The following MTHFD1L variants were observed in gnomAD, a reference collection of about 807,000 sequenced individuals.
The protein encoded by MTHFD1L is monofunctional C1-tetrahydrofolate synthase, mitochondrial.
A neutral mutation model predicts 119.5 loss-of-function variants in MTHFD1L; 81 were observed. The observed-to-expected ratio is 0.68, with a 90% confidence interval of 0.57 to 0.82. MTHFD1L has a LOEUF of 0.82. Among genes scored for constraint, MTHFD1L ranks in the 40% least tolerant of loss-of-function variants. The pLI, the probability that MTHFD1L is intolerant of heterozygous loss-of-function variation, is 0.00. For missense variants in MTHFD1L, 1,125 were observed against 1,253.4 expected (o/e 0.90, Z 1.55); for synonymous variants, 430 against 475.2 (o/e 0.90, Z 1.24).
Position 151,085,846 on chromosome 6 carries a change from A to C in MTHFD1L, c.2848-6621A>C, listed in dbSNP as rs560909756. Among the ~76,000 whole-genome samples, 4 of 151,916 alleles carry C rather than the reference A, an allele frequency of 2.6e-5. No homozygotes were observed. The East Asian group carries it at 7.7e-4, about 29-fold the overall frequency. ...GTAGTCTGCCCCTCTACAAGCAGGG[A>C]CCAGGTCTTGGTCACCTGGTGTCCT... On this transcript the variant is annotated intron_variant, in intron 26 of 27. Transcript: ENST00000367321.
At chr6:150,955,232 A>G (rs906865322) in intron 16 of MTHFD1L, among the ~76,000 whole-genome samples, 15 of 152,118 alleles carry the variant, frequency 9.9e-5, no homozygotes, top group Non-Finnish European at 2.9e-5. Context: ...GTGGACTCAT[A>G]TAGTACTTGC....
chr6:150,901,763 C>T (rs1468864903), intron 7 of MTHFD1L, among the ~76,000 whole-genome samples: 1 of 152,176 alleles, frequency 6.6e-6, no homozygotes, highest in Non-Finnish European at 1.5e-5. Flanking sequence ...AGAAGCACAT[C>T]CTTGCTGGAC....
intron 8 of MTHFD1L, among the ~76,000 whole-genome samples, chr6:150,907,761 G>T (rs1220080791): frequency 2.0e-5 from 3 of 152,200 alleles, no homozygotes; most frequent in African/African-American, 7.2e-5. Context: ...ATCAGGGATG[G>T]TCTGTGTATT....
At chr6:150,981,930 A>T (rs1008258137) in intron 20 of MTHFD1L, among the ~76,000 whole-genome samples, 56 of 152,206 alleles carry the variant, frequency 3.7e-4, no homozygotes, top group African/African-American at 8.4e-4. Flanking sequence ...TATAAAAAAA[A>T]TTTTTAATTA....
At chr6:151,028,104 G>C (rs1784831740) in intron 24 of MTHFD1L, among the ~76,000 whole-genome samples, 1 of 152,128 alleles carries the variant, frequency 6.6e-6, no homozygotes, top group Admixed American at 6.5e-5. Flanking sequence ...ACAGCCCTGG[G>C]TTGAGGCAGG....
At chr6:151,015,206 CTTTTTTTT>C (rs58646889) in intron 23 of MTHFD1L, among the ~76,000 whole-genome samples, 1 of 76,934 alleles carries the variant, frequency 1.3e-5, no homozygotes, top group Non-Finnish European at 2.4e-5. Context: ...ATCTCCTTGG[CTTTTTTTT>C]TTTTTTTTTT....
rs763039754 is a variant in MTHFD1L, at chr6:150,944,536, C to T, written c.1491C>T (p.Asn497=). ...GDIHAITAAN[N]LLAAAIDTRI... ...TCCACGCCATCACCGCTGCCAATAA[C>T]TTGCTGGCTGCCGCCATCGACACGA... is the stretch of plus-strand genomic sequence containing the variant. Residue 497 remains asparagine (N), a synonymous_variant, in exon 14 of 28, where the codon AAC becomes AAT. Transcript: ENST00000367321. The T allele has an allele frequency of 6.2e-7, 1 of 1,614,158 alleles. No individual in the cohort carries two copies. The highest frequency in any genetic ancestry group is 8.5e-7 in the Non-Finnish European group (1 of 1,180,016).
intron 6 of MTHFD1L, 66 bp from the exon 7 acceptor site, chr6:150,887,779 G>C: frequency 6.8e-7 from 1 of 1,479,910 alleles, no homozygotes; most frequent in Non-Finnish European, 9.0e-7. Context: ...TTTTTCTTAA[G>C]ATAAAGTTCT....
intron 26 of MTHFD1L, among the ~76,000 whole-genome samples, chr6:151,064,296 T>C (rs1294038851): frequency 1.3e-5 from 2 of 152,140 alleles, no homozygotes; most frequent in Non-Finnish European, 2.9e-5. Flanking sequence ...CTGATAAATA[T>C]TCTTGAAGTG....
At chr6:151,000,158 G>A (rs555094714) in intron 20 of MTHFD1L, among the ~76,000 whole-genome samples, 47 of 152,264 alleles carry the variant, frequency 3.1e-4, no homozygotes, top group Middle Eastern at 3.4e-3. Flanking sequence ...GCCACATGGT[G>A]AAACCCCGTC....
chr6:151,077,399 T>C (rs1320829840), intron 26 of MTHFD1L, among the ~76,000 whole-genome samples: 1 of 152,198 alleles, frequency 6.6e-6, no homozygotes, highest in East Asian at 1.9e-4. Flanking sequence ...TCCCAGCACT[T>C]TGGGAGGCCA....
chr6:151,035,789 T>A (rs991567173), intron 25 of MTHFD1L, among the ~76,000 whole-genome samples: 11 of 152,210 alleles, frequency 7.2e-5, no homozygotes, highest in African/African-American at 2.7e-4. Flanking sequence ...GGTGAGAGTA[T>A]ATGGCATATT....
chr6:150,990,663 G>A (rs484912), intron 20 of MTHFD1L, among the ~76,000 whole-genome samples: 81,069 of 151,718 alleles, frequency 0.53, 22,847 homozygotes, highest in African/African-American at 0.7. Flanking sequence ...GGCTTCACCA[G>A]GTTGGCCAGC....
chr6:150,868,537 C>T (rs1422623819), intron 1 of MTHFD1L, among the ~76,000 whole-genome samples: 1 of 151,888 alleles, frequency 6.6e-6, no homozygotes, highest in Non-Finnish European at 1.5e-5. Context: ...CGGGGTTTCA[C>T]CATGTTGGCC....
At chr6:151,029,256 A>C (rs1248976107) in intron 24 of MTHFD1L, among the ~76,000 whole-genome samples, 4 of 150,634 alleles carry the variant, frequency 2.7e-5, no homozygotes, top group Non-Finnish European at 4.4e-5. Context: ...CCCCATCTCT[A>C]CTAAAAATAC....
chr6:150,956,257 C>T (rs1465732075), intron 17 of MTHFD1L, among the ~76,000 whole-genome samples, 186 bp downstream of exon 17: 1 of 152,152 alleles, frequency 6.6e-6, no homozygotes. Flanking sequence ...TGTCTTTTTA[C>T]CATCTTTTCT....
intron 13 of MTHFD1L, among the ~76,000 whole-genome samples, chr6:150,941,490 G>C (rs1793100050): frequency 1.3e-5 from 2 of 152,218 alleles, no homozygotes. Flanking sequence ...CCTCTCAGTA[G>C]ACACGATGAA....
At chr6:150,904,712 G>A (rs544152695) in intron 7 of MTHFD1L, among the ~76,000 whole-genome samples, 1 of 152,218 alleles carries the variant, frequency 6.6e-6, no homozygotes, top group East Asian at 1.9e-4. Context: ...CAACCTCTTT[G>A]CCTACCTTTT....
chr6:151,067,543 C>T (rs531700489), intron 26 of MTHFD1L, among the ~76,000 whole-genome samples: 5 of 152,282 alleles, frequency 3.3e-5, no homozygotes, highest in African/African-American at 4.8e-5. Context: ...AGGCTGGTCT[C>T]GAACTCCTGG....
Sources: allele counts gnomAD v4.1 joint callset (sites outside exome capture counted in the v4.1 genomes callset), GRCh38; gene constraint gnomAD v4.1.1; transcripts MANE v1.5; gene names NCBI Gene and HGNC (gene_info 2026-07-23, HGNC 2026-07-21).